ZCCHC2: variants seen among roughly 807,000 people sequenced by gnomAD.
ZCCHC2 encodes the protein zinc finger CCHC domain-containing protein 2.
In ZCCHC2, 39 loss-of-function variants were observed where a neutral mutation model predicts 103.6. The ratio of observed to expected loss-of-function variants is 0.38; its 90% confidence interval spans 0.29 to 0.49. The LOEUF (loss-of-function observed/expected upper bound fraction) is 0.49, where lower values mean the gene tolerates loss of function less well. Ranked by LOEUF, ZCCHC2 falls within the 20% of genes least tolerant of loss-of-function variation. The probability of loss-of-function intolerance (pLI) is 0.96; values close to 1 mark genes in which losing one functional copy is unlikely to be tolerated. For missense variants in ZCCHC2, 1,483 were observed against 1,491.0 expected, an observed-to-expected ratio of 0.99 and a Z score of 0.09; for synonymous variants, 687 against 608.9, an observed-to-expected ratio of 1.13 and a Z score of -1.89.
intron 12 of ZCCHC2, among the ~76,000 whole-genome samples, chr18:62,572,499 A>G (rs1568557860): frequency 2.6e-5 from 4 of 152,210 alleles, no homozygotes; most frequent in Admixed American, 1.3e-4. Context: ...GTCTTCACCC[A>G]AGGAAAATAT....
At chr18:62,535,811 A>G (rs1013502266) in intron 1 of ZCCHC2, among the ~76,000 whole-genome samples, 1 of 152,206 alleles carries the variant, frequency 6.6e-6, no homozygotes, top group African/African-American at 2.4e-5. Flanking sequence ...GCTACCTTTA[A>G]TCCGCCACGG....
downstream of ZCCHC2, among the ~76,000 whole-genome samples, chr18:62,583,504 T>A (rs934125705): frequency 1.3e-5 from 2 of 152,154 alleles, no homozygotes; most frequent in African/African-American, 4.8e-5. Flanking sequence ...ACCTAGTACT[T>A]AACAGCACCA....
Position 62,570,230 on chromosome 18 carries a change from AG to A in ZCCHC2, c.1975+1del, listed in dbSNP as rs1245579477. 6.2e-7 allele frequency: 1 copy of A among 1,611,008 alleles called. No individual in the cohort carries two copies. Among genetic ancestry groups the A allele is most frequent in the Admixed American group, 1.7e-5 (1 of 59,616 alleles). Reference protein sequence around the residue: ...SFESEEEKDRDTDSNSEDSGN... With the variant: ...SFESEEEKDRXTDSNSEDSGN... ...TTGAAAGTGAAGAAGAGAAAGACAG[AG>A]GTTTGCTCTTTGAAGTGGGAGTATT... is the stretch of plus-strand genomic sequence containing the variant. On this transcript the variant is annotated frameshift_variant and splice_region_variant, in exon 12 of 14. Coordinates refer to ENST00000269499, the MANE Select transcript of ZCCHC2 (RefSeq NM_017742.6). LOFTEE classifies it high-confidence loss of function.
intron 2 of ZCCHC2, among the ~76,000 whole-genome samples, chr18:62,541,097 G>A (rs966997607): frequency 1.3e-5 from 2 of 152,128 alleles, no homozygotes; most frequent in Non-Finnish European, 2.9e-5. Flanking sequence ...GTTGAATGGC[G>A]TCATCCTTTA....
chr18:62,532,371 C>G (rs572950208), intron 1 of ZCCHC2, among the ~76,000 whole-genome samples: 7 of 152,328 alleles, frequency 4.6e-5, no homozygotes, highest in African/African-American at 1.7e-4. Flanking sequence ...TCTGTTGGGA[C>G]TTTACGCCAA....
chr18:62,586,294 C>T (rs541791939), exon 15 of ZCCHC2: 72 of 152,012 alleles, frequency 4.7e-4, no homozygotes, highest in African/African-American at 1.7e-3. Flanking sequence ...GTTCTTATTT[C>T]GTGTGTTGGG....
intron 5 of ZCCHC2, among the ~76,000 whole-genome samples, chr18:62,553,258 ACTT>A (rs1352940885): frequency 6.8e-6 from 1 of 148,116 alleles, no homozygotes; most frequent in Non-Finnish European, 1.5e-5. Context: ...CTTTTCTGCC[ACTT>A]TTTTCTTTAA....
intron 5 of ZCCHC2, 41 bp from the exon 6 acceptor site, chr18:62,556,162 A>G (rs1915875302): frequency 9.3e-6 from 14 of 1,498,954 alleles, no homozygotes; most frequent in Admixed American, 2.0e-5. Context: ...GTGGATTAAC[A>G]TTACCTGAAA....
At chr18:62,547,936 G>T (rs980531402) in intron 4 of ZCCHC2, among the ~76,000 whole-genome samples, 2 of 152,260 alleles carry the variant, frequency 1.3e-5, no homozygotes, top group Non-Finnish European at 1.5e-5. Flanking sequence ...TGCAGCCAGG[G>T]TTTTTGTTTC....
At chr18:62,542,639 T>C (rs1221623823) in intron 3 of ZCCHC2, 65 bp downstream of exon 3, 1 of 1,388,982 alleles carries the variant, frequency 7.2e-7, no homozygotes, top group Non-Finnish European at 9.9e-7. Flanking sequence ...GGAAAACTTG[T>C]GGCAGGTTTG....
intron 12 of ZCCHC2, among the ~76,000 whole-genome samples, chr18:62,572,096 T>G (rs987570060): frequency 4.6e-5 from 7 of 152,234 alleles, no homozygotes; most frequent in African/African-American, 1.7e-4. Flanking sequence ...TTTTTTAAAT[T>G]TATGAGACAG....
At chr18:62,573,666 C>T (rs141135884) in intron 12 of ZCCHC2, among the ~76,000 whole-genome samples, 7 of 152,208 alleles carry the variant, frequency 4.6e-5, no homozygotes, top group Non-Finnish European at 7.4e-5. Context: ...CATTTATCTG[C>T]GACAAATTGA....
intron 4 of ZCCHC2, among the ~76,000 whole-genome samples, chr18:62,546,850 T>G (rs544144727): frequency 6.6e-6 from 1 of 152,356 alleles, no homozygotes; most frequent in South Asian, 2.1e-4. Flanking sequence ...TAGCAATTGA[T>G]GAACACCCTG....
chr18:62,540,314 G>C (rs1199709362), intron 2 of ZCCHC2, among the ~76,000 whole-genome samples: 1 of 152,132 alleles, frequency 6.6e-6, no homozygotes, highest in African/African-American at 2.4e-5. Flanking sequence ...CCATTAACCT[G>C]TGCTGGGAGA....
intron 5 of ZCCHC2, among the ~76,000 whole-genome samples, chr18:62,555,855 GAAGAGTA>G (rs1177803081): frequency 2.0e-5 from 3 of 152,040 alleles, no homozygotes; most frequent in African/African-American, 7.2e-5. Context: ...CACCTGTGGA[GAAGAGTA>G]AAGAAATTGC....
intron 12 of ZCCHC2, among the ~76,000 whole-genome samples, chr18:62,571,241 G>A (rs1415217185): frequency 6.6e-6 from 1 of 152,186 alleles, no homozygotes; most frequent in African/African-American, 2.4e-5. Context: ...TGGTGGTGGG[G>A]CTTTTGGGGA....
chr18:62,575,474 C>T lies in ZCCHC2; in HGVS notation c.3393C>T (p.Val1131=), dbSNP rs1568560250. The change falls in exon 13 of 14, where the codon GTC becomes GTT. Residue 1131 remains valine (V), a synonymous_variant. Transcript: ENST00000269499. The stretch of plus-strand genomic sequence containing the variant: ...CGGGGCCCAAGAAGAATGGGAATGT[C>T]TCATGTTACAATTGTGGTGTAAGCG... The part of the protein sequence containing the change: ...SGSGPKKNGN[V]SCYNCGVSGH... 1.2e-6 allele frequency: 2 copies of T among 1,614,014 alleles called. No homozygotes were observed. Among genetic ancestry groups the T allele is most frequent in the African/African-American group, 1.3e-5 (1 of 75,038 alleles).
chr18:62,557,903 A>G (rs1190950444), intron 6 of ZCCHC2, among the ~76,000 whole-genome samples: 1 of 152,224 alleles, frequency 6.6e-6, no homozygotes, highest in African/African-American at 2.4e-5. Flanking sequence ...AAAACACTGT[A>G]TGAAAGTACA....
In ZCCHC2 at chr18:62,563,001, T is replaced by A; in HGVS notation, c.1551-8T>A. The stretch of plus-strand genomic sequence containing the variant: ...ATTTTCACACTTTCATAAACTTTTC[T>A]TTGGTAGCAATATTGGTACAAGTTG... On this transcript the variant is annotated splice_region_variant and splice_polypyrimidine_tract_variant and intron_variant, in intron 8 of 13. Coordinates refer to ENST00000269499, the MANE Select transcript of ZCCHC2 (RefSeq NM_017742.6). The A allele has an allele frequency of 1.9e-6, 3 of 1,600,918 alleles. No individual in the cohort carries two copies. The highest frequency in any genetic ancestry group is 1.1e-5 in the South Asian group (1 of 90,640).
Sources: gnomAD v4.1 joint callset for allele counts (sites outside exome capture counted in the v4.1 genomes callset) on GRCh38, gnomAD v4.1.1 for gene constraint, MANE v1.5 for transcripts, NCBI Gene and HGNC (gene_info 2026-07-23, HGNC 2026-07-21) for gene names.